The following TMEM266 variants were observed in gnomAD, a reference collection of about 807,000 sequenced individuals.
The protein encoded by TMEM266 is transmembrane protein 266, also known as Hv1 related protein 1.
A neutral mutation model predicts 50.5 loss-of-function variants in TMEM266; 33 were observed. The ratio of observed to expected loss-of-function variants is 0.65; its 90% CI spans 0.50 to 0.87. The LOEUF (loss-of-function observed/expected upper bound fraction) is 0.87. Among genes scored for constraint, TMEM266 ranks in the 40% least tolerant of loss-of-function variants. The probability of loss-of-function intolerance (pLI) is 0.00; values close to 1 mark genes in which losing one functional copy is unlikely to be tolerated. For synonymous variants in TMEM266, 310 were observed against 292.3 expected, an observed-to-expected ratio of 1.06 and a Z score of -0.62; for missense variants, 655 against 695.1, an observed-to-expected ratio of 0.94 and a Z score of 0.65.
At chr15:76,201,203 A>G (rs1262455140) in intron 9 of TMEM266, among the ~76,000 whole-genome samples, 2 of 152,036 alleles carry the variant, frequency 1.3e-5, no homozygotes, top group Middle Eastern at 6.8e-3. Flanking sequence ...GCCTCTCCCA[A>G]TCACACCTGA....
At chr15:76,182,646 AAAAAC>A (rs1042249028) in intron 8 of TMEM266, among the ~76,000 whole-genome samples, 10 of 152,306 alleles carry the variant, frequency 6.6e-5, no homozygotes, top group East Asian at 3.9e-4. Context: ...TCAGTCACAA[AAAAAC>A]AAAACAAAAC....
In TMEM266 at chr15:76,119,408, AAAAAG is replaced by A. The variant is rs1555447937; in HGVS notation, c.-96-14745_-96-14741del. On this transcript the variant is annotated intron_variant, in intron 1 of 10. Transcript: ENST00000388942. ...GTTTATGGCAAAAAAAAAAAAAAAA[AAAAAG>A]AAAAGAAAAGAAAATAGGGTCTCAG... Among the ~76,000 whole-genome samples the A allele has an allele frequency of 5.6e-4, 83 of 148,928 alleles. 3 individuals are homozygous for A. Among genetic ancestry groups the A allele is most frequent in the African/African-American group, 7.4e-5 (3 of 40,626 alleles).
At chr15:76,117,430 A>C (rs2037268535) in intron 1 of TMEM266, among the ~76,000 whole-genome samples, 1 of 151,984 alleles carries the variant, frequency 6.6e-6, no homozygotes, top group African/African-American at 2.4e-5. Context: ...CTGGGCTCCG[A>C]CTAAGAGACT....
Position 76,162,979 on chromosome 15 carries a change from C to T in TMEM266, c.456+2811C>T, listed in dbSNP as rs867384310. Among the ~76,000 whole-genome samples the T allele has an allele frequency of 4.6e-5, 7 of 152,338 alleles. No homozygotes were observed. In the South Asian group the frequency reaches 8.3e-4, roughly 18 times the overall value. On this transcript the variant is annotated intron_variant, in intron 5 of 10. Coordinates refer to ENST00000388942, the MANE Select transcript of TMEM266 (RefSeq NM_152335.3). Reference sequence around the variant, plus strand: ...GGAAATTCCAAGAAGGTCACCCCACCGGGGCTCCTGCTGTCCTGGAGCCCT... The same window carrying T: ...GGAAATTCCAAGAAGGTCACCCCACTGGGGCTCCTGCTGTCCTGGAGCCCT...
At chr15:76,178,701 G>T (rs934004885) in intron 8 of TMEM266, 4 of 152,170 alleles carry the variant, frequency 2.6e-5, no homozygotes, top group Non-Finnish European at 4.4e-5. Flanking sequence ...CCTTCCCGGG[G>T]GTCTCAGCCG....
intron 1 of TMEM266, among the ~76,000 whole-genome samples, chr15:76,078,061 G>A (rs2036629991): frequency 6.6e-6 from 1 of 152,038 alleles, no homozygotes; most frequent in African/African-American, 2.4e-5. Context: ...TGTGTGGATG[G>A]TAGTGGGGCA....
Position 76,204,142 on chromosome 15 carries a change from A to G in TMEM266, c.1423A>G (p.Ser475Gly). Reference protein sequence around the residue: ...QTSPELEHRVSLFNQKNQEGF... With the variant: ...QTSPELEHRVGLFNQKNQEGF... ...CAGCCCAGCGGGCTCGGCCCAAACC[A>G]GCCCCGAGCTGGAACACAGGGTAAG... The change falls in exon 11 of 11, where the codon AGC becomes GGC. Residue 475 changes from serine (S) to glycine (G), a missense_variant. Around this residue, in one of 3 missense-constraint regions of TMEM266, gnomAD observed 455 missense variants for 401.8 expected, o/e 1.13. Coordinates refer to ENST00000388942, the MANE Select transcript of TMEM266 (RefSeq NM_152335.3). 1.9e-6 allele frequency: 3 copies of G among 1,613,474 alleles called. No individual in the cohort carries two copies. In the East Asian group the frequency reaches 6.7e-5, roughly 36 times the overall value.
chr15:76,110,876 A>G lies in TMEM266; in HGVS notation c.-96-23292A>G, dbSNP rs548879793. ...AAATATACAGATGTCAAATAAGCAT[A>G]TGAAAAGATCTTCAGCATTGTATCA... On this transcript the variant is annotated intron_variant, in intron 1 of 10. Coordinates refer to ENST00000388942, the MANE Select transcript of TMEM266 (RefSeq NM_152335.3). Among the ~76,000 whole-genome samples the G allele has an allele frequency of 3.3e-5, 5 of 152,346 alleles. No homozygotes were observed. The East Asian group carries it at 7.7e-4, about 23-fold the overall frequency.
chr15:76,070,186 C>G (rs2036516948), intron 1 of TMEM266, among the ~76,000 whole-genome samples: 1 of 152,128 alleles, frequency 6.6e-6, no homozygotes, highest in South Asian at 2.1e-4. Flanking sequence ...TCATCAGAGG[C>G]TGAGGTTCTA....
chr15:76,085,016 G>A lies in TMEM266; in HGVS notation c.-97+25000G>A, dbSNP rs527607532. ...ACTCTGTTGCCCAGGCTAGAGTGCA[G>A]TGGCGCGATCTCGGCTCACTACAAG... On this transcript the variant is annotated intron_variant, in intron 1 of 10. Coordinates refer to ENST00000388942, the MANE Select transcript of TMEM266 (RefSeq NM_152335.3). 9.3e-5 allele frequency among the ~76,000 whole-genome samples: 14 copies of A among 150,190 alleles called. No homozygotes were observed. The South Asian group carries it at 2.9e-3, about 32-fold the overall frequency.
chr15:76,080,398 T>C (rs1489260314), intron 1 of TMEM266, among the ~76,000 whole-genome samples: 1 of 146,946 alleles, frequency 6.8e-6, no homozygotes. Context: ...ATTACAGGTA[T>C]GCACCACCAC....
intron 5 of TMEM266, 100 bp from the exon 6 acceptor site, chr15:76,169,716 T>C: frequency 7.3e-7 from 1 of 1,363,774 alleles, no homozygotes; most frequent in African/African-American, 1.4e-5. Flanking sequence ...CCTTTTCCTT[T>C]TACTGAATGC....
intron 3 of TMEM266, among the ~76,000 whole-genome samples, chr15:76,146,768 G>C (rs190982990): frequency 1.7e-3 from 264 of 152,344 alleles, no homozygotes; most frequent in Non-Finnish European, 3.5e-3. Flanking sequence ...TCTGGCTTGA[G>C]GGCCACAGCC....
intron 1 of TMEM266, among the ~76,000 whole-genome samples, chr15:76,080,259 C>T (rs2036667393): frequency 6.8e-6 from 1 of 147,372 alleles, no homozygotes; most frequent in African/African-American, 2.5e-5. Context: ...CCCAGCTATC[C>T]AGGAGTCTGA....
chr15:76,107,285 C>T (rs558156546), intron 1 of TMEM266, among the ~76,000 whole-genome samples: 1 of 152,152 alleles, frequency 6.6e-6, no homozygotes, highest in Non-Finnish European at 1.5e-5. Flanking sequence ...GTGTATTTTA[C>T]AAGCACGGCA....
chr15:76,129,007 G>A (rs1174590265), intron 1 of TMEM266, among the ~76,000 whole-genome samples: 4 of 152,200 alleles, frequency 2.6e-5, no homozygotes, highest in Non-Finnish European at 4.4e-5. Flanking sequence ...ATAAAGGGGC[G>A]AAAGTTAAGC....
intron 5 of TMEM266, among the ~76,000 whole-genome samples, chr15:76,165,771 C>T (rs527686954): frequency 5.9e-4 from 90 of 152,262 alleles, no homozygotes; most frequent in African/African-American, 2.1e-3. Flanking sequence ...TCCAGAGATC[C>T]GGCCAGTGTC....
At chr15:76,101,479 A>G (rs1343824746) in intron 1 of TMEM266, among the ~76,000 whole-genome samples, 1 of 152,254 alleles carries the variant, frequency 6.6e-6, no homozygotes, top group African/African-American at 2.4e-5. Context: ...GAAGAGATCC[A>G]GGAGGTAGAC....
chr15:76,092,027 G>A lies in TMEM266; in HGVS notation c.-97+32011G>A, dbSNP rs187919930. 5.7e-4 allele frequency among the ~76,000 whole-genome samples: 87 copies of A among 151,706 alleles called. 1 individual carries two copies. The highest frequency in any genetic ancestry group is 1.5e-3 in the Admixed American group (23 of 15,240). On this transcript the variant is annotated intron_variant, in intron 1 of 10. Coordinates refer to ENST00000388942, the MANE Select transcript of TMEM266 (RefSeq NM_152335.3). ...AAAGAAAAGAAAAGAAAAACCTATG[G>A]CAAAAGTCATGGATCAAATATGAAG...
Sources: gnomAD v4.1 joint callset for allele counts (sites outside exome capture counted in the v4.1 genomes callset) on GRCh38, gnomAD v4.1.1 for gene constraint, gnomAD v4.1.1 regional missense constraint, MANE v1.5 for transcripts, NCBI Gene and HGNC (gene_info 2026-07-23, HGNC 2026-07-21) for gene names.